KLHL29: variants seen among roughly 807,000 people sequenced by gnomAD.
KLHL29 encodes the protein kelch like family member 29.
KLHL29 carries 21 observed loss-of-function variants against 80.4 expected under a neutral mutation model. The ratio of observed to expected loss-of-function variants is 0.26; its 90% CI spans 0.19 to 0.38. The LOEUF (loss-of-function observed/expected upper bound fraction) is 0.38. Among genes scored for constraint, KLHL29 ranks in the 10% least tolerant of loss-of-function variants. The pLI is 1.00. For synonymous variants in KLHL29, 511 were observed against 526.8 expected (o/e 0.97, Z 0.41); for missense variants, 867 against 1,223.9 (o/e 0.71, Z 4.35).
intron 2 of KLHL29, among the ~76,000 whole-genome samples, chr2:23,492,197 G>T (rs749689103): frequency 2.0e-5 from 3 of 152,188 alleles, no homozygotes; most frequent in Non-Finnish European, 4.4e-5. Context: ...GTGCCACTGT[G>T]CCTCTTCCAC....
At chr2:23,390,516 G>GTA (rs138314045) in intron 1 of KLHL29, among the ~76,000 whole-genome samples, 5,083 of 151,658 alleles carry the variant, frequency 0.034, 114 homozygotes, top group South Asian at 0.062. Flanking sequence ...ATATGTATGT[G>GTA]TATATATATA....
At chr2:23,628,356 CT>C (rs1279878661) in intron 3 of KLHL29, among the ~76,000 whole-genome samples, 2 of 144,372 alleles carry the variant, frequency 1.4e-5, no homozygotes, top group East Asian at 4.3e-4. Context: ...CTAGAATGCC[CT>C]CTGGGGAGGC....
At chr2:23,561,860 G>C (rs1049064589) in intron 2 of KLHL29, among the ~76,000 whole-genome samples, 5 of 152,148 alleles carry the variant, frequency 3.3e-5, no homozygotes, top group Non-Finnish European at 7.4e-5. Flanking sequence ...ATGCACATTT[G>C]TGTCATTCAG....
rs1671186076 is a variant in KLHL29 at position 23,684,676 on chromosome 2, T to C, written c.1079+139T>C. 7.6e-6 allele frequency: 5 copies of C among 656,838 alleles called. No individual in the cohort carries two copies. The highest frequency in any genetic ancestry group is 3.4e-5 in the Admixed American group (1 of 29,094). The allele number at this position is 656,838 out of a possible 1,614,324, so 40.7% of individuals were successfully genotyped here. On this transcript the variant is annotated intron_variant, in intron 6 of 13. Transcript: ENST00000486442. The surrounding 1 kb of genome is among the most constrained non-coding windows in gnomAD (Gnocchi z 4.4). ...CAGTAGCCATCTCTCCTCCTCCTCC[T>C]CCTCCTCCTCCCCAGTACCCTCTCA...
chr2:23,632,671 T>C (rs570099257), intron 3 of KLHL29, among the ~76,000 whole-genome samples: 2 of 152,344 alleles, frequency 1.3e-5, no homozygotes, highest in East Asian at 3.9e-4. Context: ...GAATTTGCTC[T>C]TGCTGTTCTC....
intron 1 of KLHL29, among the ~76,000 whole-genome samples, chr2:23,462,547 C>T (rs1388866955): frequency 5.9e-5 from 9 of 152,272 alleles, no homozygotes; most frequent in East Asian, 1.9e-4. Context: ...TCTGGGCTTC[C>T]GTTTTCTCAT....
rs1668769488 is a variant in KLHL29, at chr2:23,607,952, T to C, written c.286-31187T>C. ...AGCAAGCCTCTGTCATCATGTGAAC[T>C]GCCGTTCCCCCAATTTATATGTTTA... On this transcript the variant is annotated intron_variant, in intron 3 of 13. Transcript: ENST00000486442. Among the ~76,000 whole-genome samples the C allele has an allele frequency of 2.0e-5, 3 of 150,830 alleles. No homozygotes were observed. In the South Asian group the frequency reaches 6.4e-4, roughly 32 times the overall value.
In KLHL29 at chr2:23,693,135, C is replaced by G. The variant is rs940992705; in HGVS notation, c.1283-134C>G. 13 of 1,067,384 alleles carry G rather than the reference C, an allele frequency of 1.2e-5. No homozygotes were observed. In the African/African-American group the frequency reaches 1.7e-4, roughly 14 times the overall value. 66.1% of individuals were successfully genotyped at this position (1,067,384 alleles called of 1,614,324 possible). A position where few individuals can be genotyped will look rare whatever the true frequency, so the allele number is the denominator to read the frequency against. On this transcript the variant is annotated intron_variant, in intron 7 of 13. Transcript: ENST00000486442. ...TCCAGACACCCAGGAAGGGGGCCTGCAGGGACTCTGGACACTGCAGTCAGG... is the reference window on the plus strand; with the variant it reads ...TCCAGACACCCAGGAAGGGGGCCTGGAGGGACTCTGGACACTGCAGTCAGG...
rs193156463 is a variant in KLHL29 at position 23,609,394 on chromosome 2, G to A, written c.286-29745G>A. On this transcript the variant is annotated intron_variant, in intron 3 of 13. Coordinates refer to ENST00000486442, the MANE Select transcript of KLHL29 (RefSeq NM_052920.2). Reference sequence around the variant, plus strand: ...CTTGTGAGGACTGAAAAGTCATTGAGCCCTTTCACTGGAGAAGGCAGCAAT... The same window carrying A: ...CTTGTGAGGACTGAAAAGTCATTGAACCCTTTCACTGGAGAAGGCAGCAAT... Among the ~76,000 whole-genome samples, 5 of 152,264 alleles carry A rather than the reference G, an allele frequency of 3.3e-5. No homozygotes were observed. In the East Asian group the frequency reaches 9.7e-4, roughly 29 times the overall value.
chr2:23,473,651 C>G (rs144807519), intron 1 of KLHL29, among the ~76,000 whole-genome samples: 1,592 of 152,188 alleles, frequency 0.01, 13 homozygotes, highest in Middle Eastern at 0.02. Flanking sequence ...TTCGGCACAG[C>G]CTGGAAAGGA....
chr2:23,512,505 T>C lies in KLHL29; in HGVS notation c.-46+36838T>C, dbSNP rs569612405. Reference sequence around the variant, plus strand: ...TATCACATTGTGATATGGCAAGGATTAAGCTAATTATAAAAGAAGTTTAGA... The same window carrying C: ...TATCACATTGTGATATGGCAAGGATCAAGCTAATTATAAAAGAAGTTTAGA... On this transcript the variant is annotated intron_variant, in intron 2 of 13. Transcript: ENST00000486442. Among the ~76,000 whole-genome samples the C allele has an allele frequency of 3.9e-5, 6 of 152,286 alleles. No individual in the cohort carries two copies. The East Asian group carries it at 1.2e-3, about 29-fold the overall frequency.
At chr2:23,440,403 A>G (rs1663481495) in intron 1 of KLHL29, among the ~76,000 whole-genome samples, 1 of 152,060 alleles carries the variant, frequency 6.6e-6, no homozygotes, top group African/African-American at 2.4e-5. Context: ...ATTACAATTC[A>G]GGACATAGGC....
intron 2 of KLHL29, among the ~76,000 whole-genome samples, chr2:23,549,994 G>A (rs1030308468): frequency 4.6e-5 from 7 of 152,160 alleles, no homozygotes; most frequent in Admixed American, 4.6e-4. Flanking sequence ...GCCACCCTGG[G>A]GTTCTGGGTC....
At chr2:23,421,738 ATG>A (rs1259622691) in intron 1 of KLHL29, among the ~76,000 whole-genome samples, 7 of 124,802 alleles carry the variant, frequency 5.6e-5, no homozygotes, top group Non-Finnish European at 8.3e-5. Flanking sequence ...TGTTGTGTGT[ATG>A]TGTGTGTGTT....
At chr2:23,502,643 C>T (rs1050298020) in intron 2 of KLHL29, among the ~76,000 whole-genome samples, 1 of 152,272 alleles carries the variant, frequency 6.6e-6, no homozygotes, top group Non-Finnish European at 1.5e-5. Context: ...CTTCCAGCAC[C>T]TGTCACTAGG....
At chr2:23,608,725 G>T (rs994794862) in intron 3 of KLHL29, among the ~76,000 whole-genome samples, 3 of 152,154 alleles carry the variant, frequency 2.0e-5, no homozygotes, top group Non-Finnish European at 4.4e-5. Flanking sequence ...CCCATTGGGG[G>T]AGGCACTGAG....
intron 4 of KLHL29, among the ~76,000 whole-genome samples, 156 bp from the exon 5 acceptor site, chr2:23,642,182 G>C (rs1055085062): frequency 2.0e-5 from 3 of 152,124 alleles, no homozygotes; most frequent in African/African-American, 7.2e-5. Context: ...ACTTATCCTG[G>C]GCTGCCATGA....
chr2:23,615,903 A>C (rs1249565124), intron 3 of KLHL29, among the ~76,000 whole-genome samples: 1 of 152,014 alleles, frequency 6.6e-6, no homozygotes, highest in Non-Finnish European at 1.5e-5. Context: ...CTGTCAGATG[A>C]AAGATGGCAG....
At chr2:23,701,180 T>A (rs567265754) in intron 11 of KLHL29, among the ~76,000 whole-genome samples, 14 of 28,970 alleles carry the variant, frequency 4.8e-4, no homozygotes, top group Admixed American at 1.8e-3. Context: ...CCCTGAACCA[T>A]CCTTGGCAAC....
Sources: gnomAD v4.1 joint callset for allele counts (sites outside exome capture counted in the v4.1 genomes callset) on GRCh38, gnomAD v4.1.1 for gene constraint, Gnocchi (gnomAD v3.1) non-coding constraint, MANE v1.5 for transcripts, NCBI Gene and HGNC (gene_info 2026-07-23, HGNC 2026-07-21) for gene names.